Variants in ZFAND6 observed in about 807,000 individuals in gnomAD.
ZFAND6 encodes the protein zinc finger AN1-type containing 6, also known as AN1-type zinc finger protein 6.
A neutral mutation model predicts 24.5 loss-of-function variants in ZFAND6; 12 were observed. The observed-to-expected ratio is 0.49, with a 90% CI of 0.31 to 0.79. The LOEUF (loss-of-function observed/expected upper bound fraction) is 0.79, where lower values mean the gene tolerates loss of function less well. Ranked by LOEUF, ZFAND6 falls within the 30% of genes least tolerant of loss-of-function variation. The pLI, the probability that ZFAND6 is intolerant of heterozygous loss-of-function variation, is 0.04. For missense variants in ZFAND6, 207 were observed against 245.9 expected (o/e 0.84, Z 1.06); for synonymous variants, 92 against 81.5 (o/e 1.13, Z -0.69).
rs544464050 is a variant in ZFAND6 at position 80,130,628 on chromosome 15, T to G, written c.365-552T>G. 3.9e-5 allele frequency: 6 copies of G among 152,376 alleles called. No homozygotes were observed. The South Asian group carries it at 1.2e-3, about 32-fold the overall frequency. 9.4% of individuals were successfully genotyped at this position (152,376 alleles called of 1,614,324 possible). A position where few individuals can be genotyped will look rare whatever the true frequency, so the allele number is the denominator to read the frequency against. ...TTCCATACATAAATGCATCAACTTA[T>G]TATCTTACAACATTTTAAAGCTTCT... On this transcript the variant is annotated intron_variant, in intron 5 of 6. Transcript: ENST00000261749.
intron 5 of ZFAND6, chr15:80,129,906 A>T (rs979227986): frequency 6.6e-6 from 1 of 152,236 alleles, no homozygotes; most frequent in Admixed American, 6.5e-5. Flanking sequence ...AAGAGCCCAG[A>T]GGCAAAAGAG....
intron 1 of ZFAND6, among the ~76,000 whole-genome samples, chr15:80,084,307 A>G (rs577306481): frequency 6.6e-6 from 1 of 152,380 alleles, no homozygotes; most frequent in South Asian, 2.1e-4. Flanking sequence ...CACGATGCTG[A>G]AAGAAAATGT....
At chr15:80,098,988 A>G (rs2038886315) in intron 2 of ZFAND6, among the ~76,000 whole-genome samples, 1 of 152,010 alleles carries the variant, frequency 6.6e-6, no homozygotes, top group Non-Finnish European at 1.5e-5. Flanking sequence ...ATTAATAGAG[A>G]AAATTGCTTC....
intron 1 of ZFAND6, among the ~76,000 whole-genome samples, chr15:80,095,875 G>A (rs956474179): frequency 3.3e-5 from 5 of 152,160 alleles, no homozygotes; most frequent in Non-Finnish European, 7.3e-5. Flanking sequence ...TGTAAGAGAT[G>A]ACTTTCCTGA....
chr15:80,090,439 A>G (rs2038287522), intron 1 of ZFAND6, among the ~76,000 whole-genome samples: 1 of 152,198 alleles, frequency 6.6e-6, no homozygotes. Flanking sequence ...TCCTCATTCT[A>G]AATAGTTACT....
chr15:80,088,181 T>C (rs927717105), intron 1 of ZFAND6, among the ~76,000 whole-genome samples: 6 of 152,214 alleles, frequency 3.9e-5, no homozygotes, highest in Admixed American at 3.9e-4. Flanking sequence ...CTACAAACTT[T>C]ATACTTTACA....
At chr15:80,069,996 T>C (rs1204426299) in intron 1 of ZFAND6, among the ~76,000 whole-genome samples, 1 of 152,198 alleles carries the variant, frequency 6.6e-6, no homozygotes, top group East Asian at 1.9e-4. Context: ...GTCAGGGTGG[T>C]CTTTTTATCA....
chr15:80,126,570 G>A (rs1251967122), intron 5 of ZFAND6, among the ~76,000 whole-genome samples: 1 of 152,164 alleles, frequency 6.6e-6, no homozygotes, highest in African/African-American at 2.4e-5. Context: ...AAATGATGCA[G>A]GAACAACTTC....
rs2039298687 is a variant in ZFAND6 at position 80,105,892 on chromosome 15, ACC to A, written c.-18+7315_-18+7316del. 2.0e-5 allele frequency among the ~76,000 whole-genome samples: 3 copies of A among 152,288 alleles called. No homozygotes were observed. The South Asian group carries it at 6.2e-4, about 32-fold the overall frequency. ...TCATTTCTGGCATCCATTTTTATAT[ACC>A]TCTATGAAGTGAGAGTGGTGTATTC... On this transcript the variant is annotated intron_variant, in intron 2 of 6. Coordinates refer to ENST00000261749, the MANE Select transcript of ZFAND6 (RefSeq NM_019006.4).
At chr15:80,113,273 A>T (rs144334551) in intron 2 of ZFAND6, among the ~76,000 whole-genome samples, 78 of 152,360 alleles carry the variant, frequency 5.1e-4, no homozygotes, top group Non-Finnish European at 8.1e-4. Flanking sequence ...GAGGAACATG[A>T]GTCCAATATT....
In ZFAND6 at chr15:80,121,829, T is replaced by C. The variant is rs1168131812; in HGVS notation, c.263+9T>C. On this transcript the variant is annotated intron_variant, in intron 4 of 6. Transcript: ENST00000261749. ...TCATCTATGCAGCCCAGGTAAGATGTACTCTCTGAATTCTAATGAGAATGC... is the reference window on the plus strand; with the variant it reads ...TCATCTATGCAGCCCAGGTAAGATGCACTCTCTGAATTCTAATGAGAATGC... 1.2e-6 allele frequency: 2 copies of C among 1,605,780 alleles called. No individual in the cohort carries two copies. The highest frequency in any genetic ancestry group is 1.7e-6 in the Non-Finnish European group (2 of 1,173,272).
intron 1 of ZFAND6, among the ~76,000 whole-genome samples, chr15:80,077,516 C>A (rs907404111): frequency 6.6e-6 from 1 of 151,996 alleles, no homozygotes; most frequent in African/African-American, 2.4e-5. Flanking sequence ...GCTTTGAAAG[C>A]AACTTGGTGG....
chr15:80,135,543 G>A (rs2040823648), intron 6 of ZFAND6, among the ~76,000 whole-genome samples: 1 of 152,248 alleles, frequency 6.6e-6, no homozygotes. Context: ...ACAGAAAAGA[G>A]TAGATAAGAT....
chr15:80,123,938 T>TC (rs763721895), intron 5 of ZFAND6, among the ~76,000 whole-genome samples: 62 of 152,342 alleles, frequency 4.1e-4, no homozygotes, highest in Non-Finnish European at 7.3e-4. Context: ...TGCTTTTTTT[T>TC]CATACCCAGC....
At chr15:80,121,380 A>G (rs1224975683) in intron 3 of ZFAND6, among the ~76,000 whole-genome samples, 3 of 152,210 alleles carry the variant, frequency 2.0e-5, no homozygotes, top group African/African-American at 4.8e-5. Context: ...CTTCACTGCT[A>G]TGTCATCTTA....
intron 1 of ZFAND6, among the ~76,000 whole-genome samples, chr15:80,081,956 G>T (rs1188503232): frequency 6.6e-6 from 1 of 152,198 alleles, no homozygotes; most frequent in Admixed American, 6.5e-5. Flanking sequence ...ATTCCTTGAA[G>T]ATTTGTTAGA....
chr15:80,071,603 C>T (rs2036979982), intron 1 of ZFAND6, among the ~76,000 whole-genome samples: 1 of 151,804 alleles, frequency 6.6e-6, no homozygotes, highest in Admixed American at 6.6e-5. Flanking sequence ...AATCAGAGTT[C>T]CTGTGTAGTG....
At chr15:80,134,587 A>T (rs2040770880) in intron 6 of ZFAND6, among the ~76,000 whole-genome samples, 1 of 152,226 alleles carries the variant, frequency 6.6e-6, no homozygotes, top group Admixed American at 6.5e-5. Context: ...TGCAGGAGAA[A>T]ACTCCAGATG....
chr15:80,121,901 C>G, intron 4 of ZFAND6, 81 bp downstream of exon 4: 1 of 1,138,002 alleles, frequency 8.8e-7, no homozygotes, highest in Non-Finnish European at 1.2e-6. Context: ...ATAAGGAAAA[C>G]TACGTAAAGC....
Sources: gnomAD v4.1 joint callset for allele counts (sites outside exome capture counted in the v4.1 genomes callset) on GRCh38, gnomAD v4.1.1 for gene constraint, MANE v1.5 for transcripts, NCBI Gene and HGNC (gene_info 2026-07-23, HGNC 2026-07-21) for gene names.